Variants in ADORA2A observed in about 807,000 individuals in gnomAD.
The protein encoded by ADORA2A is adenosine receptor A2a.
In ADORA2A, 11 loss-of-function variants were observed where a neutral mutation model predicts 18.4. The ratio of observed to expected loss-of-function variants is 0.60; its 90% CI spans 0.38 to 0.99. ADORA2A has a LOEUF of 0.99. ADORA2A is among the 50% of genes least tolerant of loss of function. The pLI is 0.01. For missense variants in ADORA2A, 449 were observed against 556.1 expected (o/e 0.81, Z 1.94); for synonymous variants, 218 against 237.3 (o/e 0.92, Z 0.75).
At chr22:24,425,337 A>ACCCCCCC (rs398036656), upstream of ADORA2A, among the ~76,000 whole-genome samples, 3 of 82,318 alleles carry the variant, frequency 3.6e-5, no homozygotes, top group Admixed American at 1.3e-4. Context: ...TGTGGGCAGC[A>ACCCCCCC]CCCCCCCCCC....
At chr22:24,434,664 G>A (rs1265275891) in intron 2 of ADORA2A, among the ~76,000 whole-genome samples, 1 of 152,352 alleles carries the variant, frequency 6.6e-6, no homozygotes, top group East Asian at 1.9e-4. Flanking sequence ...GAGTCAGGGA[G>A]CAGGGTGCAC....
At chr22:24,434,120 G>T (rs1290567335) in intron 2 of ADORA2A, among the ~76,000 whole-genome samples, 1 of 152,222 alleles carries the variant, frequency 6.6e-6, no homozygotes, top group Non-Finnish European at 1.5e-5. Context: ...TCACACACAA[G>T]CAAAACTTCC....
At chr22:24,439,072 CTTTTTTTTTTTTT>C (rs3032740) in intron 2 of ADORA2A, among the ~76,000 whole-genome samples, 26 of 73,102 alleles carry the variant, frequency 3.6e-4, no homozygotes, top group Middle Eastern at 8.8e-3. Context: ...CCCCTTGCAC[CTTTTTTTTTTTTT>C]TTTTTTTTTT....
chr22:24,437,772 G>T (rs957646283), intron 2 of ADORA2A, among the ~76,000 whole-genome samples: 6 of 152,262 alleles, frequency 3.9e-5, no homozygotes, highest in African/African-American at 1.4e-4. Context: ...TACGGTGGAA[G>T]ACTCCCCTTG....
chr22:24,440,705 G>A lies in ADORA2A; in HGVS notation c.455G>A (p.Gly152Asp). The change falls in exon 3 of 3, where the codon GGC (glycine) becomes GAC (aspartate). Residue 152 changes from glycine to aspartate, a missense_variant. Gly to Asp is a moderately conservative substitution (Grantham distance 94). Transcript: ENST00000337539. Reference sequence around the variant, plus strand: ...AACAACTGCGGTCAGCCAAAGGAGGGCAAGAACCACTCCCAGGGCTGCGGG... The same window carrying A: ...AACAACTGCGGTCAGCCAAAGGAGGACAAGAACCACTCCCAGGGCTGCGGG... ...GWNNCGQPKEGKNHSQGCGEG... is the reference protein window; with the variant it reads ...GWNNCGQPKEDKNHSQGCGEG... 6.2e-7 allele frequency: 1 copy of A among 1,614,098 alleles called. No homozygotes were observed.
upstream of ADORA2A, chr22:24,423,972 T>C (rs972519926): frequency 2.0e-5 from 3 of 151,280 alleles, no homozygotes; most frequent in Admixed American, 2.0e-4. Flanking sequence ...GCCGGGGTGC[T>C]AGGTCTGGCG....
chr22:24,438,005 G>T (rs923460383), intron 2 of ADORA2A, among the ~76,000 whole-genome samples: 2 of 152,274 alleles, frequency 1.3e-5, no homozygotes, highest in African/African-American at 4.8e-5. Context: ...AGCAAAGCAG[G>T]TGGCCCAGGG....
rs2043360244 is a variant in ADORA2A at position 24,442,299 on chromosome 22, G to GC, written c.*810_*811insC. The GC allele has an allele frequency of 6.5e-6, 1 of 152,712 alleles. No homozygotes were observed. Among genetic ancestry groups the GC allele is most frequent in the Non-Finnish European group, 1.5e-5 (1 of 67,998 alleles). The allele number at this position is 152,712 out of a possible 1,614,324, so 9.5% of individuals were successfully genotyped here. ...AACTGCCTTTCCTTCTAAAGGGAAT[G>GC]TTTTTTTCTGAGATAAAATAAAAAC... On this transcript the variant is annotated 3_prime_UTR_variant, in exon 3 of 3. Transcript: ENST00000337539.
At chr22:24,438,773 G>A (rs2043246363) in intron 2 of ADORA2A, 1 of 152,176 alleles carries the variant, frequency 6.6e-6, no homozygotes, top group Admixed American at 6.5e-5. Flanking sequence ...AAAACAAGAG[G>A]ATTGGACCAC....
rs769798091 is a variant in ADORA2A at position 24,440,577 on chromosome 22, C to A, written c.333-6C>A. 3 of 1,551,078 alleles carry A rather than the reference C, an allele frequency of 1.9e-6. No homozygotes were observed. The highest frequency in any genetic ancestry group is 1.4e-5 in the African/African-American group (1 of 73,230). On this transcript the variant is annotated splice_polypyrimidine_tract_variant and splice_region_variant and intron_variant, in intron 2 of 2. Transcript: ENST00000337539. ...CAGATCTCTGATGCTGGTCTCTTCT[C>A]CCCAGGTACAATGGCTTGGTGACCG...
chr22:24,434,579 A>G (rs2146895732), intron 2 of ADORA2A, among the ~76,000 whole-genome samples: 1 of 152,262 alleles, frequency 6.6e-6, no homozygotes, highest in East Asian at 1.9e-4. Flanking sequence ...CCCCTCTGCC[A>G]CAGAGCTGGG....
At position 24,441,577 on chromosome 22, in the gene ADORA2A, G is replaced by A; in HGVS notation, c.*88G>A. On this transcript the variant is annotated 3_prime_UTR_variant, in exon 3 of 3. Coordinates refer to ENST00000337539, the MANE Select transcript of ADORA2A (RefSeq NM_000675.6). ...CAGTCACGTTGGGAGAAGAGAGAGA[G>A]TGCCAGGAGACCCTGAGGGCAGCCG... is the stretch of plus-strand genomic sequence containing the variant. 1 of 1,338,374 alleles carries A rather than the reference G, an allele frequency of 7.5e-7. No homozygotes were observed. Among genetic ancestry groups the A allele is most frequent in the Non-Finnish European group, 9.8e-7 (1 of 1,024,678 alleles). 82.9% of individuals were successfully genotyped at this position (1,338,374 alleles called of 1,614,324 possible). A position where few individuals can be genotyped will look rare whatever the true frequency, so the allele number is the denominator to read the frequency against.
intron 1 of ADORA2A, among the ~76,000 whole-genome samples, chr22:24,428,809 TC>T (rs1184267480): frequency 2.6e-5 from 4 of 152,224 alleles, no homozygotes; most frequent in Non-Finnish European, 4.4e-5. Flanking sequence ...CCCAGGAATG[TC>T]CTGGGTCCTT....
intron 1 of ADORA2A, among the ~76,000 whole-genome samples, chr22:24,428,007 TG>T (rs2146863420): frequency 1.3e-5 from 2 of 152,192 alleles, no homozygotes; most frequent in South Asian, 4.1e-4. Flanking sequence ...GGATGCCAGG[TG>T]TATCTCTGGG....
chr22:24,424,392 T>C (rs2042894610), upstream of ADORA2A: 2 of 152,156 alleles, frequency 1.3e-5, no homozygotes, highest in Non-Finnish European at 2.9e-5. The surrounding 1 kb of genome is among the most constrained non-coding windows in gnomAD (Gnocchi z 4.9). Flanking sequence ...CGTCCGTCCA[T>C]GCGCCGCAGA....
At position 24,441,058 on chromosome 22, in the gene ADORA2A, A is replaced by G. The variant is rs2043326952; in HGVS notation, c.808A>G (p.Met270Val). The change falls in exon 3 of 3, where the codon ATG (methionine) becomes GTG (valine). Residue 270 changes from methionine (M) to valine (V), a missense_variant. Met to Val is a conservative substitution (Grantham distance 21). Transcript: ENST00000337539. The part of the protein sequence containing the change: ...PDCSHAPLWL[M>V]YLAIVLSHTN... ...CTGCAGCCACGCCCCTCTCTGGCTC[A>G]TGTACCTGGCCATCGTCCTCTCCCA... 1.2e-6 allele frequency: 2 copies of G among 1,614,128 alleles called. No individual in the cohort carries two copies. The highest frequency in any genetic ancestry group is 1.7e-6 in the Non-Finnish European group (2 of 1,180,028).
rs758744279 is a variant in ADORA2A at position 24,433,422 on chromosome 22, C to T, written c.18C>T (p.Ser6=). Residue 6 remains serine (S), a synonymous_variant, in exon 2 of 3, where the codon TCC becomes TCT. Coordinates refer to ENST00000337539, the MANE Select transcript of ADORA2A (RefSeq NM_000675.6). ...CTGTGGCCATGCCCATCATGGGCTC[C>T]TCGGTGTACATCACGGTGGAGCTGG... MPIMG[S]SVYITVELAI... 7 of 1,612,610 alleles carry T rather than the reference C, an allele frequency of 4.3e-6. No homozygotes were observed. The African/African-American group carries it at 8.0e-5, about 18-fold the overall frequency.
intron 1 of ADORA2A, among the ~76,000 whole-genome samples, chr22:24,428,726 C>G (rs2042957511): frequency 6.6e-6 from 1 of 152,202 alleles, no homozygotes; most frequent in South Asian, 2.1e-4. Context: ...TTTGCGACTC[C>G]TCTTAGCTGA....
chr22:24,426,605 C>T (rs1601393220), upstream of ADORA2A, among the ~76,000 whole-genome samples: 1 of 152,156 alleles, frequency 6.6e-6, no homozygotes, highest in African/African-American at 2.4e-5. Context: ...ACACAACTGC[C>T]CACATCCTGT....
Sources: gnomAD v4.1 joint callset for allele counts (sites outside exome capture counted in the v4.1 genomes callset) on GRCh38, gnomAD v4.1.1 for gene constraint, Gnocchi (gnomAD v3.1) non-coding constraint, MANE v1.5 for transcripts, NCBI Gene and HGNC (gene_info 2026-07-23, HGNC 2026-07-21) for gene names.